Variants in MORC1 observed in about 807,000 individuals in gnomAD.
The protein encoded by MORC1 is MORC family CW-type zinc finger protein 1.
A neutral mutation model predicts 134.9 loss-of-function variants in MORC1; 59 were observed. That is an observed-to-expected ratio of 0.44 (90% confidence interval 0.35 to 0.54). MORC1 has a LOEUF of 0.54. MORC1 is among the 20% of genes least tolerant of loss of function. The probability of loss-of-function intolerance (pLI) is 0.00; values close to 1 mark genes in which losing one functional copy is unlikely to be tolerated. For synonymous variants in MORC1, 395 were observed against 391.7 expected (o/e 1.01, Z -0.10); for missense variants, 947 against 1,134.5 (o/e 0.83, Z 2.37).
At chr3:108,980,883 G>C (rs1315381485) in intron 23 of MORC1, among the ~76,000 whole-genome samples, 1 of 152,176 alleles carries the variant, frequency 6.6e-6, no homozygotes, top group Non-Finnish European at 1.5e-5. Context: ...GATGAGATGA[G>C]AACGGTCAGT....
chr3:109,085,768 A>C (rs1576726425), intron 8 of MORC1, among the ~76,000 whole-genome samples: 1 of 152,116 alleles, frequency 6.6e-6, no homozygotes, highest in African/African-American at 2.4e-5. Flanking sequence ...AAAGAAACTG[A>C]ATCTATCAAA....
chr3:108,969,741 A>G lies in MORC1; in HGVS notation c.2551-19T>C. 1.9e-6 allele frequency: 3 copies of G among 1,608,782 alleles called. No individual in the cohort carries two copies. Among genetic ancestry groups the G allele is most frequent in the Non-Finnish European group, 2.6e-6 (3 of 1,175,404 alleles). On this transcript the variant is annotated intron_variant, in intron 25 of 27. Coordinates refer to ENST00000232603, the MANE Select transcript of MORC1 (RefSeq NM_014429.4). ...GCTCCAGCTGTTTTCATAAATGATA[A>G]TAGAACAGGATATTAGCTTTTAGAG...
intron 22 of MORC1, among the ~76,000 whole-genome samples, 163 bp downstream of exon 22, chr3:108,986,717 A>T (rs1043587153): frequency 3.9e-5 from 6 of 151,946 alleles, no homozygotes; most frequent in Non-Finnish European, 7.4e-5. Flanking sequence ...TTGGCAGCTC[A>T]CCCTCTCTCT....
intron 21 of MORC1, among the ~76,000 whole-genome samples, chr3:108,992,975 A>G (rs1016102196): frequency 1.3e-5 from 2 of 152,224 alleles, no homozygotes; most frequent in Non-Finnish European, 2.9e-5. Flanking sequence ...TCATTCTATC[A>G]TGAATATAAT....
At chr3:109,092,904 T>A (rs4855691) in intron 8 of MORC1, among the ~76,000 whole-genome samples, 1 of 152,018 alleles carries the variant, frequency 6.6e-6, no homozygotes, top group Admixed American at 6.6e-5. Context: ...TAGCTTTTGT[T>A]GCTATTTCAT....
At chr3:109,116,158 C>T (rs371180647) in intron 1 of MORC1, among the ~76,000 whole-genome samples, 24 of 152,154 alleles carry the variant, frequency 1.6e-4, no homozygotes, top group East Asian at 1.5e-3. Flanking sequence ...ACTTGGCTGA[C>T]ATACAACTGG....
intron 23 of MORC1, among the ~76,000 whole-genome samples, chr3:108,979,927 G>T (rs1431843768): frequency 6.6e-6 from 1 of 151,954 alleles, no homozygotes; most frequent in Non-Finnish European, 1.5e-5. Context: ...ATTTTTAACA[G>T]TAGTCATATA....
At chr3:108,999,595 T>G (rs2107517469) in intron 21 of MORC1, among the ~76,000 whole-genome samples, 1 of 152,320 alleles carries the variant, frequency 6.6e-6, no homozygotes, top group South Asian at 2.1e-4. Flanking sequence ...AATTTAAACC[T>G]AATCCACAAA....
chr3:109,087,327 C>A (rs1439588368), intron 8 of MORC1, among the ~76,000 whole-genome samples: 1 of 152,052 alleles, frequency 6.6e-6, no homozygotes, highest in African/African-American at 2.4e-5. Context: ...CTAGAAAACC[C>A]CATAGTCTCA....
In MORC1 at chr3:108,963,542, C is replaced by T; in HGVS notation, c.2671G>A (p.Asp891Asn). The T allele has an allele frequency of 6.2e-7, 1 of 1,604,054 alleles. No individual in the cohort carries two copies. The part of the protein sequence containing the change: ...IKRKLQSIIY[D>N]SNTRGIHNEI... ...TTATGTATTCCTCTTGTATTTGAAT[C>T]ATAGATAATGGACTGCAATTTCCTC... The change falls in exon 27 of 28, where the codon GAT becomes AAT. Residue 891 changes from aspartate (D) to asparagine (N), a missense_variant. This residue lies in a region of MORC1 where 722 missense variants were observed against 817.0 expected (regional missense o/e 0.88). Coordinates refer to ENST00000232603, the MANE Select transcript of MORC1 (RefSeq NM_014429.4).
chr3:109,100,599 T>C (rs904432665), intron 4 of MORC1, 92 bp from the exon 5 acceptor site: 2 of 956,340 alleles, frequency 2.1e-6, no homozygotes, highest in African/African-American at 1.6e-5. Flanking sequence ...CCTCAGAACA[T>C]CAGGACAAAC....
chr3:109,043,194 G>GGGGGGT (rs1949600709), intron 14 of MORC1, among the ~76,000 whole-genome samples: 1 of 124,084 alleles, frequency 8.1e-6, no homozygotes, highest in Non-Finnish European at 1.7e-5. Context: ...AATGTGGGGG[G>GGGGGGT]GGGGGGGTGT....
chr3:109,026,821 AG>A (rs1949086113), intron 17 of MORC1, among the ~76,000 whole-genome samples: 1 of 152,170 alleles, frequency 6.6e-6, no homozygotes, highest in South Asian at 2.1e-4. Flanking sequence ...GTGTTTCCAA[AG>A]TGACTCTCAG....
At position 108,971,370 on chromosome 3, in the gene MORC1, T is replaced by C. The variant is rs1440313871; in HGVS notation, c.2510A>G (p.Gln837Arg). ...EILLYFFPEH[Q>R]LPSELEEPAL... ...AGGTTCTTCCAATTCTGATGGTAGC[T>C]GATGCTCAGGAAAAAAATACAGAAG... Residue 837 changes from glutamine (Q) to arginine (R), a missense_variant, in exon 25 of 28, where the codon CAG (glutamine) becomes CGG (arginine). Gln to Arg is a conservative substitution (Grantham distance 43, BLOSUM62 1). Transcript: ENST00000232603. 1 of 1,613,594 alleles carries C rather than the reference T, an allele frequency of 6.2e-7. No individual in the cohort carries two copies. The highest frequency in any genetic ancestry group is 8.5e-7 in the Non-Finnish European group (1 of 1,179,672).
intron 11 of MORC1, 40 bp downstream of exon 11, chr3:109,061,948 A>C (rs781072171): frequency 2.6e-6 from 4 of 1,564,040 alleles, no homozygotes; most frequent in Admixed American, 1.7e-5. Flanking sequence ...AAATGACACA[A>C]TTTGCCATTT....
chr3:109,065,558 T>G (rs1950177134), intron 9 of MORC1, among the ~76,000 whole-genome samples: 1 of 152,200 alleles, frequency 6.6e-6, no homozygotes, highest in African/African-American at 2.4e-5. Context: ...GTCTGTCACT[T>G]TTAAAGATGG....
At chr3:109,067,944 G>C (rs1950235784) in intron 9 of MORC1, among the ~76,000 whole-genome samples, 1 of 152,174 alleles carries the variant, frequency 6.6e-6, no homozygotes, top group Non-Finnish European at 1.5e-5. Flanking sequence ...GACAAATGCA[G>C]ACATATAATA....
intron 23 of MORC1, among the ~76,000 whole-genome samples, chr3:108,980,814 A>G (rs1362226851): frequency 6.6e-6 from 1 of 152,224 alleles, no homozygotes; most frequent in African/African-American, 2.4e-5. Context: ...ATGATCTGGA[A>G]GAGGAAGAAG....
At chr3:108,999,564 G>A (rs985663173) in intron 21 of MORC1, among the ~76,000 whole-genome samples, 4 of 152,188 alleles carry the variant, frequency 2.6e-5, no homozygotes, top group East Asian at 3.8e-4. Flanking sequence ...GAAATGATAT[G>A]TCTCTCATTG....
Sources: gnomAD v4.1 joint callset for allele counts (sites outside exome capture counted in the v4.1 genomes callset) on GRCh38, gnomAD v4.1.1 for gene constraint, gnomAD v4.1.1 regional missense constraint, MANE v1.5 for transcripts, NCBI Gene and HGNC (gene_info 2026-07-23, HGNC 2026-07-21) for gene names.